IGF2BP1: variants seen among roughly 807,000 people sequenced by gnomAD.
IGF2BP1 encodes the protein insulin like growth factor 2 mRNA binding protein 1.
In IGF2BP1, 11 loss-of-function variants were observed where a neutral mutation model predicts 74.9. That is an observed-to-expected ratio of 0.15 (90% CI 0.09 to 0.24). The LOEUF is 0.24. IGF2BP1 is among the 10% of genes least tolerant of loss of function. The pLI is 1.00. For synonymous variants in IGF2BP1, 287 were observed against 281.8 expected, an observed-to-expected ratio of 1.02 and a Z score of -0.18; for missense variants, 440 against 757.4, an observed-to-expected ratio of 0.58 and a Z score of 4.92.
chr17:49,026,939 C>T (rs1330443978), intron 4 of IGF2BP1, among the ~76,000 whole-genome samples: 4 of 152,190 alleles, frequency 2.6e-5, no homozygotes, highest in Non-Finnish European at 1.5e-5. Flanking sequence ...AGACGCGTTT[C>T]ACCACGTTGG....
At chr17:49,003,078 C>T (rs1224551267) in intron 2 of IGF2BP1, among the ~76,000 whole-genome samples, 8 of 152,234 alleles carry the variant, frequency 5.3e-5, no homozygotes, top group Non-Finnish European at 4.4e-5. Context: ...AGTCCCATCA[C>T]TAATTTATTC....
intron 3 of IGF2BP1, 89 bp downstream of exon 3, chr17:49,025,755 G>T: frequency 2.5e-6 from 3 of 1,185,318 alleles, no homozygotes; most frequent in South Asian, 1.3e-5. Context: ...GAAATGATTG[G>T]GGAGGTCTGG....
chr17:49,005,175 C>T (rs972968060), intron 2 of IGF2BP1, among the ~76,000 whole-genome samples: 1 of 152,206 alleles, frequency 6.6e-6, no homozygotes, highest in Admixed American at 6.5e-5. Context: ...AACTTTTGCT[C>T]TAACCATAGT....
rs1567805542 is a variant in IGF2BP1 at position 48,997,729 on chromosome 17, GC to G, written c.-13del. The G allele has an allele frequency of 6.2e-7, 1 of 1,610,346 alleles. No homozygotes were observed. On this transcript the variant is annotated 5_prime_UTR_variant, in exon 1 of 15. Transcript: ENST00000290341. The surrounding 1 kb of genome is among the most constrained non-coding windows in gnomAD (Gnocchi z 4.8). Reference sequence around the variant, plus strand: ...TCGGCCTTGCCCGGGACCGCGTCCTGCCCCGAGACCGCCACCATGAACAAGC... The same window carrying G: ...TCGGCCTTGCCCGGGACCGCGTCCTGCCCGAGACCGCCACCATGAACAAGC...
chr17:49,032,053 C>T, intron 5 of IGF2BP1, 80 bp downstream of exon 5: 1 of 1,300,604 alleles, frequency 7.7e-7, no homozygotes, highest in Non-Finnish European at 1.1e-6. Flanking sequence ...CCCACTTTTT[C>T]CTCAGGGGGG....
At chr17:49,032,147 G>A (rs980578745) in intron 5 of IGF2BP1, among the ~76,000 whole-genome samples, 174 bp downstream of exon 5, 1 of 152,044 alleles carries the variant, frequency 6.6e-6, no homozygotes, top group Non-Finnish European at 1.5e-5. Context: ...TTCTTCAGGG[G>A]GTCTCCTTCA....
chr17:49,026,626 T>G, intron 4 of IGF2BP1, 109 bp downstream of exon 4: 1 of 481,500 alleles, frequency 2.1e-6, no homozygotes, highest in Non-Finnish European at 3.4e-6. Flanking sequence ...CCTTCCTTCC[T>G]TCCTTCCTGC....
chr17:49,007,454 TAC>T (rs968783079), intron 2 of IGF2BP1, among the ~76,000 whole-genome samples: 2 of 152,190 alleles, frequency 1.3e-5, no homozygotes, highest in Non-Finnish European at 2.9e-5. Flanking sequence ...TACACATACA[TAC>T]ACACACGTCC....
chr17:49,011,144 A>AAAAAC (rs2041613416), intron 2 of IGF2BP1, among the ~76,000 whole-genome samples: 2 of 94,600 alleles, frequency 2.1e-5, no homozygotes, highest in African/African-American at 9.3e-5. Context: ...TCTCAAAAAA[A>AAAAAC]AAAAAAAAAA....
At chr17:49,031,668 G>A (rs1347607079) in intron 4 of IGF2BP1, among the ~76,000 whole-genome samples, 5 of 151,732 alleles carry the variant, frequency 3.3e-5, no homozygotes, top group Admixed American at 6.6e-5. Flanking sequence ...CACTACGCCC[G>A]GCTACTTTTT....
chr17:49,005,037 CTA>C (rs935480286), intron 2 of IGF2BP1, among the ~76,000 whole-genome samples: 7 of 152,110 alleles, frequency 4.6e-5, no homozygotes, highest in South Asian at 2.1e-4. Flanking sequence ...TCAGAGGAGA[CTA>C]TGTACTTATT....
chr17:49,041,165 T>G (rs1297454429), intron 7 of IGF2BP1, among the ~76,000 whole-genome samples: 1 of 152,114 alleles, frequency 6.6e-6, no homozygotes, highest in Non-Finnish European at 1.5e-5. Context: ...GGTGATAGAG[T>G]GAGACCCTGT....
At position 48,999,120 on chromosome 17, in the gene IGF2BP1, T is replaced by C. The variant is rs778819788; in HGVS notation, c.187T>C (p.Leu63=). ...TTTTTAATCTTTAGGGAAAGTAGAA[T>C]TACAAGGAAAACGCTTAGAGATTGA... is the stretch of plus-strand genomic sequence containing the variant. The part of the protein sequence containing the change: ...AIETFSGKVE[L]QGKRLEIEHS... The change falls in exon 2 of 15, where the codon TTA becomes CTA. Residue 63 remains leucine, a synonymous_variant. Coordinates refer to ENST00000290341, the MANE Select transcript of IGF2BP1 (RefSeq NM_006546.4). 1 of 1,518,248 alleles carries C rather than the reference T, an allele frequency of 6.6e-7. No homozygotes were observed. Among genetic ancestry groups the C allele is most frequent in the East Asian group, 2.8e-5 (1 of 35,504 alleles). The allele number at this position is 1,518,248 out of a possible 1,614,324, so 94.0% of individuals were successfully genotyped here. A position where few individuals can be genotyped will look rare whatever the true frequency, so the allele number is the denominator to read the frequency against.
In IGF2BP1 at chr17:48,997,505, C is replaced by G. The variant is rs1211827463; in HGVS notation, c.-241C>G. Reference sequence around the variant, plus strand: ...CCGAAGGGAAGAAGCTGCGCCGTGTCGTCCGTCTCCCTGCGCGCCGCGGGC... The same window carrying G: ...CCGAAGGGAAGAAGCTGCGCCGTGTGGTCCGTCTCCCTGCGCGCCGCGGGC... On this transcript the variant is annotated 5_prime_UTR_variant, in exon 1 of 15. Transcript: ENST00000290341. This position sits in a 1 kb window ranked among gnomAD's most constrained non-coding sequence, Gnocchi z 4.8. The G allele has an allele frequency of 2.1e-6, 1 of 482,924 alleles. No individual in the cohort carries two copies. The highest frequency in any genetic ancestry group is 3.9e-5 in the Admixed American group (1 of 25,846). The allele number at this position is 482,924 out of a possible 1,614,324, so 29.9% of individuals were successfully genotyped here. A position where few individuals can be genotyped will look rare whatever the true frequency, so the allele number is the denominator to read the frequency against.
chr17:49,007,481 C>A (rs373400246), intron 2 of IGF2BP1, among the ~76,000 whole-genome samples: 8 of 152,280 alleles, frequency 5.3e-5, no homozygotes, highest in African/African-American at 1.9e-4. Flanking sequence ...CCCCAGCCCT[C>A]GGAATAAGGG....
chr17:49,014,767 A>G (rs2041672388), intron 2 of IGF2BP1: 2 of 985,220 alleles, frequency 2.0e-6, no homozygotes, highest in Non-Finnish European at 2.4e-6. Context: ...ATGTTTGCCC[A>G]TCGTCATCAG....
At chr17:49,024,937 A>G (rs1316022966) in intron 2 of IGF2BP1, among the ~76,000 whole-genome samples, 1 of 152,186 alleles carries the variant, frequency 6.6e-6, no homozygotes, top group Non-Finnish European at 1.5e-5. Flanking sequence ...CATGCCTGTA[A>G]TCCCTGCATT....
rs927417005 is a variant in IGF2BP1, at chr17:49,044,500, C to T, written c.1320+414C>T. Among the ~76,000 whole-genome samples the T allele has an allele frequency of 5.3e-5, 8 of 152,336 alleles. No individual in the cohort carries two copies. In the East Asian group the frequency reaches 1.5e-3, roughly 29 times the overall value. On this transcript the variant is annotated intron_variant, in intron 11 of 14. Coordinates refer to ENST00000290341, the MANE Select transcript of IGF2BP1 (RefSeq NM_006546.4). ...CACCAAGTAAGTGTTAGTTGTCTGT[C>T]ACCTTCCCTGGCCAAGGTCCAGGGG...
intron 7 of IGF2BP1, among the ~76,000 whole-genome samples, chr17:49,040,558 A>C (rs1025075304): frequency 8.6e-5 from 13 of 152,046 alleles, no homozygotes; most frequent in African/African-American, 3.1e-4. Context: ...AATTCTGTGC[A>C]CTCACAGGTG....
Sources: allele counts gnomAD v4.1 joint callset (sites outside exome capture counted in the v4.1 genomes callset), GRCh38; gene constraint gnomAD v4.1.1; non-coding constraint Gnocchi (gnomAD v3.1); transcripts MANE v1.5; gene names NCBI Gene and HGNC (gene_info 2026-07-23, HGNC 2026-07-21).